The following ZNFX1 variants were observed in gnomAD, a reference collection of about 807,000 sequenced individuals.
ZNFX1 encodes NFX1-type zinc finger-containing protein 1.
Under a neutral mutation model 179.8 loss-of-function variants are expected in ZNFX1, and 78 were observed. The ratio of observed to expected loss-of-function variants is 0.43; its 90% confidence interval spans 0.36 to 0.52. The LOEUF is 0.52. Among genes scored for constraint, ZNFX1 ranks in the 20% least tolerant of loss-of-function variants. ZNFX1 has a pLI of 0.00. For missense variants in ZNFX1, 1,927 were observed against 2,386.6 expected (o/e 0.81, Z 4.01); for synonymous variants, 848 against 868.5 (o/e 0.98, Z 0.42).
rs1451294009 is a variant in ZNFX1, at chr20:49,248,320, A to C, written c.4704T>G (p.Asp1568Glu). 9 of 1,614,044 alleles carry C rather than the reference A, an allele frequency of 5.6e-6. No homozygotes were observed. In the African/African-American group the frequency reaches 9.3e-5, roughly 17 times the overall value. The change falls in exon 14 of 14, where the codon GAT becomes GAG. Residue 1568 changes from aspartate (D) to glutamate (E), a missense_variant. Asp to Glu is a conservative substitution (Grantham distance 45). Coordinates refer to ENST00000396105, the MANE Select transcript of ZNFX1 (RefSeq NM_021035.3). The surrounding 1 kb of genome is among the most constrained non-coding windows in gnomAD (Gnocchi z 4.6). ...CPKKCRICHM[D>E]EVTQIFFGFE... The stretch of plus-strand genomic sequence containing the variant: ...AGCCAAAGAATATTTGGGTGACCTC[A>C]TCCATGTGGCAGATCCGGCATTTCT...
chr20:49,267,319 C>T (rs941352997), intron 3 of ZNFX1, among the ~76,000 whole-genome samples: 1 of 152,022 alleles, frequency 6.6e-6, no homozygotes, highest in Non-Finnish European at 1.5e-5. Flanking sequence ...GTAACAATTT[C>T]TTCCTTCTTT....
At chr20:49,264,349 TATC>T (rs1260474916) in intron 5 of ZNFX1, among the ~76,000 whole-genome samples, 1 of 152,240 alleles carries the variant, frequency 6.6e-6, no homozygotes, top group Non-Finnish European at 1.5e-5. Context: ...AGGCTCACAA[TATC>T]TGTTCTCTCT....
chr20:49,271,895 T>A, intron 2 of ZNFX1, 145 bp from the exon 3 acceptor site: 3 of 948,920 alleles, frequency 3.2e-6, no homozygotes, highest in Non-Finnish European at 4.5e-6. Flanking sequence ...TACCAAGTCA[T>A]ATGATAAATG....
intron 13 of ZNFX1, 49 bp from the exon 14 acceptor site, chr20:49,249,760 G>T (rs777941001): frequency 1.3e-6 from 2 of 1,555,374 alleles, no homozygotes; most frequent in South Asian, 2.5e-5. Context: ...CATGGCACTT[G>T]TTTTTTTCTT....
chr20:49,248,511 C>G lies in ZNFX1; in HGVS notation c.4513G>C (p.Glu1505Gln). 1 of 1,614,160 alleles carries G rather than the reference C, an allele frequency of 6.2e-7. No homozygotes were observed. Among genetic ancestry groups the G allele is most frequent in the Non-Finnish European group, 8.5e-7 (1 of 1,180,010 alleles). Residue 1505 changes from glutamate (E) to glutamine (Q), a missense_variant, in exon 14 of 14, where the codon GAG (glutamate) becomes CAG (glutamine). Physicochemically the swap from Glu to Gln is conservative, Grantham distance 29. Coordinates refer to ENST00000396105, the MANE Select transcript of ZNFX1 (RefSeq NM_021035.3). This position sits in a 1 kb window ranked among gnomAD's most constrained non-coding sequence, Gnocchi z 4.6. ...VHSQCKKKCG[E>Q]LCSPCVEPCV... ...GGTTCCACGCAGGGACTACACAGCT[C>G]CCCACATTTCTTCTTGCACTGGCTG...
intron 3 of ZNFX1, 51 bp from the exon 4 acceptor site, chr20:49,266,317 A>C (rs1568986042): frequency 4.6e-6 from 7 of 1,531,298 alleles, no homozygotes; most frequent in Non-Finnish European, 5.3e-6. Flanking sequence ...TTCTAAATAA[A>C]GTAATTACTC....
Position 49,247,236 on chromosome 20 carries a change from C to T in ZNFX1, c.*31G>A, listed in dbSNP as rs538321888. 1.5e-5 allele frequency: 24 copies of T among 1,558,064 alleles called. No homozygotes were observed. Among genetic ancestry groups the T allele is most frequent in the South Asian group, 1.5e-4 (12 of 81,586 alleles). The stretch of plus-strand genomic sequence containing the variant: ...GGAGCTGGCCCCAGTCATTCAGTGG[C>T]GAGGGCAAAAGGCAGTGGTGTACCA... On this transcript the variant is annotated 3_prime_UTR_variant, in exon 14 of 14. Transcript: ENST00000396105.
At chr20:49,274,145 C>T (rs995909419) in intron 2 of ZNFX1, among the ~76,000 whole-genome samples, 3 of 152,182 alleles carry the variant, frequency 2.0e-5, no homozygotes, top group African/African-American at 7.2e-5. Flanking sequence ...CTAGGATTCA[C>T]GATCTGCACT....
chr20:49,272,236 G>A (rs1042189957), intron 2 of ZNFX1, among the ~76,000 whole-genome samples: 1 of 148,818 alleles, frequency 6.7e-6, no homozygotes, highest in Non-Finnish European at 1.5e-5. Flanking sequence ...GGAGTGCAGT[G>A]GTGCGATCTC....
intron 6 of ZNFX1, among the ~76,000 whole-genome samples, 161 bp downstream of exon 6, chr20:49,263,173 A>G (rs1328356230): frequency 6.6e-6 from 1 of 152,208 alleles, no homozygotes; most frequent in Non-Finnish European, 1.5e-5. Flanking sequence ...TTTGTTCCTG[A>G]CCAGCATATT....
At chr20:49,262,407 CAAAA>C (rs553327409) in intron 6 of ZNFX1, among the ~76,000 whole-genome samples, 1 of 84,646 alleles carries the variant, frequency 1.2e-5, no homozygotes, top group Non-Finnish European at 2.3e-5. Flanking sequence ...AACTCTGTCT[CAAAA>C]AAAAAAAAAA....
intron 9 of ZNFX1, 79 bp from the exon 10 acceptor site, chr20:49,254,728 T>C: frequency 6.8e-7 from 1 of 1,471,330 alleles, no homozygotes; most frequent in Non-Finnish European, 9.2e-7. Flanking sequence ...GTGTGCCCAG[T>C]GTATGAAGTG....
intron 5 of ZNFX1, among the ~76,000 whole-genome samples, chr20:49,264,006 G>A (rs187316011): frequency 1.8e-4 from 28 of 152,306 alleles, no homozygotes; most frequent in Middle Eastern, 3.4e-3. Context: ...GGTGGACCAT[G>A]AGGTCAAGAG....
rs139192162 is a variant in ZNFX1, at chr20:49,270,622, T to A, written c.1190A>T (p.Asp397Val). The change falls in exon 3 of 14, where the codon GAC (aspartate) becomes GTC (valine). Residue 397 changes from aspartate to valine, a missense_variant. By Grantham distance (152) the Asp-to-Val change is radical (BLOSUM62 -3). Transcript: ENST00000396105. This position sits in a 1 kb window ranked among gnomAD's most constrained non-coding sequence, Gnocchi z 4.6. ...GILELLQSFE[D>V]QGLRKRKFDD... ...AAACTTTCTCTTCCTCAGGCCCTGG[T>A]CTTCAAAGCTTTGGAGAAGTTCCAA... The A allele has an allele frequency of 7.4e-5, 120 of 1,614,072 alleles. No individual in the cohort carries two copies. The highest frequency in any genetic ancestry group is 1.0e-4 in the Non-Finnish European group (120 of 1,180,050).
chr20:49,276,303 T>C (rs985259468), intron 1 of ZNFX1, among the ~76,000 whole-genome samples: 7 of 152,246 alleles, frequency 4.6e-5, no homozygotes, highest in Non-Finnish European at 1.0e-4. Context: ...CAAAACCATG[T>C]GCTCACCACC....
Position 49,270,158 on chromosome 20 carries a change from C to T in ZNFX1, c.1654G>A (p.Gly552Arg). ...AAGGGGGTAAAGTCGTATCTGCCCC[C>T]CATTAGCAAGTACCTTGGCTCCTTC... ...HVKEPRYLLM[G>R]GRYDFTPLIE... Residue 552 changes from glycine (G) to arginine (R), a missense_variant, in exon 3 of 14, where the codon GGG (glycine) becomes AGG (arginine). Gly to Arg is a moderately radical substitution (Grantham distance 125). Transcript: ENST00000396105. This position sits in a 1 kb window ranked among gnomAD's most constrained non-coding sequence, Gnocchi z 4.6. 5.6e-6 allele frequency: 9 copies of T among 1,614,076 alleles called. No homozygotes were observed. Among genetic ancestry groups the T allele is most frequent in the East Asian group, 2.2e-5 (1 of 44,882 alleles).
intron 13 of ZNFX1, among the ~76,000 whole-genome samples, chr20:49,251,093 TC>T (rs1007554274): frequency 2.0e-5 from 3 of 151,866 alleles, no homozygotes; most frequent in African/African-American, 7.3e-5. Flanking sequence ...TTCAATTTTC[TC>T]CCAGTAACCA....
Position 49,271,412 on chromosome 20 carries a change from G to T in ZNFX1, c.400C>A (p.Pro134Thr), listed in dbSNP as rs1315186206. ...TTCGCCTGCTGTGGCTGTTCTGTAG[G>T]CTTCTGGTGGGGAGTCCGCCACTGC... ...FQQWRTPHQKPTEQPQQAKKL... is the reference protein window; with the variant it reads ...FQQWRTPHQKTTEQPQQAKKL... The change falls in exon 3 of 14, where the codon CCT becomes ACT. Residue 134 changes from proline to threonine, a missense_variant. Pro to Thr is a conservative substitution (Grantham distance 38). Coordinates refer to ENST00000396105, the MANE Select transcript of ZNFX1 (RefSeq NM_021035.3). The T allele has an allele frequency of 1.4e-5, 22 of 1,614,068 alleles. No individual in the cohort carries two copies. The highest frequency in any genetic ancestry group is 1.7e-5 in the Non-Finnish European group (20 of 1,180,036).
At position 49,270,566 on chromosome 20, in the gene ZNFX1, T is replaced by A; in HGVS notation, c.1246A>T (p.Ile416Phe). Residue 416 changes from isoleucine to phenylalanine, a missense_variant, in exon 3 of 14, where the codon ATT becomes TTT. Physicochemically the swap from Ile to Phe is conservative, Grantham distance 21 (BLOSUM62 0). Transcript: ENST00000396105. The surrounding 1 kb of genome is among the most constrained non-coding windows in gnomAD (Gnocchi z 4.6). ...DDIRIYFDTR[I>F]ITPMCSSSGI... ...GATGATGAACACATGGGGGTGATAA[T>A]CCTGGTGTCAAAGTAGATTCGGATG... 1 of 1,614,224 alleles carries A rather than the reference T, an allele frequency of 6.2e-7. No homozygotes were observed. Among genetic ancestry groups the A allele is most frequent in the Non-Finnish European group, 8.5e-7 (1 of 1,180,036 alleles).
Sources: allele counts gnomAD v4.1 joint callset (sites outside exome capture counted in the v4.1 genomes callset), GRCh38; gene constraint gnomAD v4.1.1; non-coding constraint Gnocchi (gnomAD v3.1); transcripts MANE v1.5; gene names NCBI Gene and HGNC (gene_info 2026-07-23, HGNC 2026-07-21).